The following PPFIA2 variants were observed in gnomAD, a reference collection of about 807,000 sequenced individuals.
PPFIA2 encodes PPFI scaffold protein A2.
PPFIA2 carries 46 observed loss-of-function variants against 175.5 expected under a neutral mutation model. The ratio of observed to expected loss-of-function variants is 0.26; its 90% CI spans 0.21 to 0.34. The LOEUF is 0.34. Ranked by LOEUF, PPFIA2 falls within the 10% of genes least tolerant of loss-of-function variation. PPFIA2 has a pLI of 1.00. For synonymous variants in PPFIA2, 568 were observed against 511.4 expected (o/e 1.11, Z -1.49); for missense variants, 1,179 against 1,506.1 (o/e 0.78, Z 3.60).
At chr12:81,724,511 T>C (rs952724382) in intron 3 of PPFIA2, among the ~76,000 whole-genome samples, 2 of 150,894 alleles carry the variant, frequency 1.3e-5, no homozygotes, top group East Asian at 2.0e-4. Flanking sequence ...CCAGTGTTTA[T>C]TATTTCACTC....
chr12:81,508,012 A>G (rs193235586), intron 4 of PPFIA2, among the ~76,000 whole-genome samples: 62 of 152,160 alleles, frequency 4.1e-4, no homozygotes, highest in African/African-American at 1.3e-3. Flanking sequence ...AAGAGTATCT[A>G]CTCCTACTTC....
intron 8 of PPFIA2, among the ~76,000 whole-genome samples, chr12:81,402,055 T>C (rs181443526): frequency 6.6e-6 from 1 of 152,298 alleles, no homozygotes; most frequent in Non-Finnish European, 1.5e-5. Context: ...GTCAACTATT[T>C]TGTCAACAGA....
intron 7 of PPFIA2, among the ~76,000 whole-genome samples, chr12:81,416,293 C>T (rs1028649208): frequency 6.6e-6 from 1 of 151,484 alleles, no homozygotes; most frequent in African/African-American, 2.4e-5. Context: ...TGTATCACTG[C>T]ATGAAAGCAA....
At chr12:81,469,529 T>C (rs1485402734) in intron 4 of PPFIA2, among the ~76,000 whole-genome samples, 1 of 152,194 alleles carries the variant, frequency 6.6e-6, no homozygotes, top group Non-Finnish European at 1.5e-5. Flanking sequence ...GCAAAATGTA[T>C]GTTGAATGAA....
chr12:81,443,345 G>A (rs1481507968), intron 6 of PPFIA2, among the ~76,000 whole-genome samples: 1 of 152,040 alleles, frequency 6.6e-6, no homozygotes, highest in Non-Finnish European at 1.5e-5. Flanking sequence ...TTAGGCCACT[G>A]AGCATTACTT....
At chr12:81,563,778 T>C (rs1215274849) in intron 4 of PPFIA2, among the ~76,000 whole-genome samples, 1 of 152,222 alleles carries the variant, frequency 6.6e-6, no homozygotes, top group Non-Finnish European at 1.5e-5. Flanking sequence ...ATTTAAAAGA[T>C]ATAAAGCCAT....
Position 81,409,528 on chromosome 12 carries a change from T to C in PPFIA2, c.646-3625A>G, listed in dbSNP as rs75804410. On this transcript the variant is annotated intron_variant, in intron 7 of 32. Coordinates refer to ENST00000549396, the MANE Select transcript of PPFIA2 (RefSeq NM_003625.5). ...CCTCTCTCTGTATCATCTCACATGC[T>C]TTTATGCCCTTCCATCCCTCTACTA... Among the ~76,000 whole-genome samples, 2,554 of 152,200 alleles carry C rather than the reference T, an allele frequency of 0.017. 139 individuals are homozygous for C. The East Asian group carries it at 0.18, about 11-fold the overall frequency.
chr12:81,441,561 T>C (rs2050180082), intron 6 of PPFIA2, among the ~76,000 whole-genome samples: 1 of 152,104 alleles, frequency 6.6e-6, no homozygotes, highest in East Asian at 1.9e-4. Context: ...GGATTAATGC[T>C]GATTAATAAC....
chr12:81,300,649 C>T (rs1307661101), intron 22 of PPFIA2, among the ~76,000 whole-genome samples: 1 of 152,066 alleles, frequency 6.6e-6, no homozygotes, highest in Admixed American at 6.6e-5. Flanking sequence ...TATTCAGCAC[C>T]TGGGAAAGGG....
chr12:81,547,337 T>C (rs2067155436), intron 4 of PPFIA2, among the ~76,000 whole-genome samples: 1 of 152,080 alleles, frequency 6.6e-6, no homozygotes, highest in Non-Finnish European at 1.5e-5. Flanking sequence ...CACTGTAGGG[T>C]AACAACTGTT....
intron 7 of PPFIA2, among the ~76,000 whole-genome samples, chr12:81,416,928 T>G (rs1251894786): frequency 6.6e-6 from 1 of 151,798 alleles, no homozygotes; most frequent in Admixed American, 6.6e-5. Flanking sequence ...GCTCTGTGAA[T>G]GAGAGCATTT....
chr12:81,369,585 C>A (rs879567138), intron 11 of PPFIA2, among the ~76,000 whole-genome samples: 6 of 151,786 alleles, frequency 4.0e-5, no homozygotes, highest in Non-Finnish European at 8.8e-5. Flanking sequence ...TAGATGGATT[C>A]TATTTAGCAA....
At chr12:81,438,568 A>T (rs901020701) in intron 7 of PPFIA2, among the ~76,000 whole-genome samples, 2 of 152,236 alleles carry the variant, frequency 1.3e-5, no homozygotes, top group Admixed American at 6.5e-5. Context: ...ATTTGTCTGT[A>T]TGCATAATGT....
intron 4 of PPFIA2, chr12:81,512,266 T>A: frequency 7.9e-7 from 1 of 1,265,430 alleles, no homozygotes; most frequent in Non-Finnish European, 1.0e-6. Flanking sequence ...AAACACCTCA[T>A]GCTGACACAA....
intron 11 of PPFIA2, among the ~76,000 whole-genome samples, chr12:81,369,670 T>C (rs1285843973): frequency 1.3e-5 from 2 of 151,740 alleles, no homozygotes; most frequent in Non-Finnish European, 2.9e-5. Context: ...CCATAACATA[T>C]TGATAATCAT....
At chr12:81,682,491 A>G (rs917322076) in intron 3 of PPFIA2, among the ~76,000 whole-genome samples, 1 of 152,038 alleles carries the variant, frequency 6.6e-6, no homozygotes, top group Non-Finnish European at 1.5e-5. Flanking sequence ...AAAAGTTAAC[A>G]TATTTCAATA....
intron 4 of PPFIA2, among the ~76,000 whole-genome samples, chr12:81,606,992 A>G (rs1567549619): frequency 6.6e-6 from 1 of 152,044 alleles, no homozygotes; most frequent in African/African-American, 2.4e-5. Flanking sequence ...TTTTTATATA[A>G]GGTGGGAGGT....
chr12:81,702,825 C>T (rs747423468), intron 3 of PPFIA2, among the ~76,000 whole-genome samples: 3 of 152,098 alleles, frequency 2.0e-5, no homozygotes, highest in Non-Finnish European at 2.9e-5. Context: ...CCCCTATTAT[C>T]AAACTAGTGC....
At chr12:81,572,889 C>T (rs1373706354) in intron 4 of PPFIA2, among the ~76,000 whole-genome samples, 4 of 151,844 alleles carry the variant, frequency 2.6e-5, no homozygotes, top group Non-Finnish European at 5.9e-5. Flanking sequence ...TGTCAAAGGA[C>T]ATATGGATCA....
Sources: allele counts gnomAD v4.1 joint callset (sites outside exome capture counted in the v4.1 genomes callset), GRCh38; gene constraint gnomAD v4.1.1; transcripts MANE v1.5; gene names NCBI Gene and HGNC (gene_info 2026-07-23, HGNC 2026-07-21).